QTGAL: variants seen among roughly 807,000 people sequenced by gnomAD.
QTGAL encodes BGnT-like protein 1.
At chr17:83,028,766 C>G in the QTGAL span, among the ~76,000 whole-genome samples, 1 of 152,098 alleles carries the variant, frequency 6.6e-6, no homozygotes, top group African/African-American at 2.4e-5. Flanking sequence ...CCAATTCCAC[C>G]CCTAGGTACT....
At chr17:82,983,931 C>G in the QTGAL span, among the ~76,000 whole-genome samples, 2 of 151,750 alleles carry the variant, frequency 1.3e-5, no homozygotes, top group Non-Finnish European at 1.5e-5. Context: ...GAAGAGACAC[C>G]AGCAGTGAGC....
the QTGAL span, among the ~76,000 whole-genome samples, chr17:83,050,956 A>G: frequency 6.6e-6 from 1 of 150,794 alleles, no homozygotes; most frequent in South Asian, 2.1e-4. Flanking sequence ...GGGCATGGGC[A>G]AGTGTGCCGG....
At chr17:83,029,433 C>T in the QTGAL span, among the ~76,000 whole-genome samples, 223 of 152,038 alleles carry the variant, frequency 1.5e-3, 1 homozygote, top group South Asian at 0.011. Context: ...ATGATGAGCG[C>T]GGAATTTGGG....
chr17:83,039,926 C>G, the QTGAL span, among the ~76,000 whole-genome samples: 1 of 152,178 alleles, frequency 6.6e-6, no homozygotes, highest in East Asian at 1.9e-4. Flanking sequence ...CTGAACAGGA[C>G]CCAACAGAGG....
the QTGAL span, among the ~76,000 whole-genome samples, chr17:82,990,874 A>G: frequency 1.3e-5 from 2 of 152,168 alleles, no homozygotes; most frequent in Non-Finnish European, 2.9e-5. Flanking sequence ...TGTCTCTGCC[A>G]TATCAGGGTT....
chr17:83,051,748 G>C, the QTGAL span: 1 of 1,497,128 alleles, frequency 6.7e-7, no homozygotes. Flanking sequence ...ACGTGGGCCT[G>C]CATGGCCTGG....
the QTGAL span, among the ~76,000 whole-genome samples, chr17:82,991,593 C>A: frequency 3.3e-5 from 5 of 152,254 alleles, no homozygotes; most frequent in African/African-American, 7.2e-5. Flanking sequence ...AGGACAGGTA[C>A]GAACAAACAT....
the QTGAL span, chr17:82,942,525 G>GC: frequency 6.2e-7 from 1 of 1,612,252 alleles, no homozygotes; most frequent in African/African-American, 1.3e-5. Flanking sequence ...CCTGAGGGAG[G>GC]CCGGTGTGGA....
the QTGAL span, among the ~76,000 whole-genome samples, chr17:83,023,259 GCACT>G: frequency 4.0e-5 from 4 of 101,220 alleles, 1 homozygote; most frequent in Non-Finnish European, 2.0e-5. Context: ...CGTTAGCTTA[GCACT>G]GTCCCCGCCC....
chr17:83,009,325 G>T, the QTGAL span, among the ~76,000 whole-genome samples: 11 of 152,244 alleles, frequency 7.2e-5, no homozygotes, highest in Non-Finnish European at 1.5e-4. Flanking sequence ...TCAGGAGGCT[G>T]AGGCAGGAGA....
chr17:82,944,423 G>A, the QTGAL span: 1 of 152,212 alleles, frequency 6.6e-6, no homozygotes, highest in Non-Finnish European at 1.5e-5. Context: ...GATAGCTGGG[G>A]CAGACAATAG....
the QTGAL span, among the ~76,000 whole-genome samples, chr17:82,974,834 C>T: frequency 6.6e-6 from 1 of 152,226 alleles, no homozygotes; most frequent in Admixed American, 6.5e-5. Flanking sequence ...CAGACAGGCA[C>T]AGGTGGAAGC....
chr17:82,984,091 C>T, the QTGAL span, among the ~76,000 whole-genome samples: 9 of 123,700 alleles, frequency 7.3e-5, no homozygotes, highest in Admixed American at 2.4e-4. Flanking sequence ...CACGTGAGCA[C>T]ACGGGGGAGA....
chr17:83,007,650 C>T, the QTGAL span, among the ~76,000 whole-genome samples: 9 of 152,214 alleles, frequency 5.9e-5, no homozygotes, highest in East Asian at 5.8e-4. Flanking sequence ...GCCTCTCGGA[C>T]GGGGGCTGAT....
At chr17:82,989,561 C>T in the QTGAL span, among the ~76,000 whole-genome samples, 1 of 150,024 alleles carries the variant, frequency 6.7e-6, no homozygotes, top group Non-Finnish European at 1.5e-5. Context: ...GCCAAGATCT[C>T]AAGAAATTTC....
At chr17:83,043,620 A>C in the QTGAL span, among the ~76,000 whole-genome samples, 1 of 152,180 alleles carries the variant, frequency 6.6e-6, no homozygotes, top group South Asian at 2.1e-4. Context: ...AAAAAGAAAA[A>C]TAAACTAAAC....
chr17:82,951,560 C>T, the QTGAL span, among the ~76,000 whole-genome samples: 1 of 152,298 alleles, frequency 6.6e-6, no homozygotes, highest in East Asian at 1.9e-4. Context: ...TTTTAATTTC[C>T]TTCAATAACT....
chr17:82,957,376 C>G, the QTGAL span: 1 of 1,613,174 alleles, frequency 6.2e-7, no homozygotes, highest in Non-Finnish European at 8.5e-7. Flanking sequence ...TGGCTGCCGG[C>G]AGTCAAGCTG....
chr17:82,986,280 T>C, the QTGAL span, among the ~76,000 whole-genome samples: 1 of 152,196 alleles, frequency 6.6e-6, no homozygotes, highest in African/African-American at 2.4e-5. Context: ...GCAGCCTCTG[T>C]TCCTTGGTAA....
Sources: allele counts gnomAD v4.1 joint callset (sites outside exome capture counted in the v4.1 genomes callset), GRCh38; gene constraint gnomAD v4.1.1; transcripts MANE v1.5; gene names NCBI Gene and HGNC (gene_info 2026-07-23, HGNC 2026-07-21).